ANKS1B: variants seen among roughly 807,000 people sequenced by gnomAD.
The protein encoded by ANKS1B is ankyrin repeat and sterile alpha motif domain containing 1B.
A neutral mutation model predicts 148.3 loss-of-function variants in ANKS1B; 36 were observed. That is an observed-to-expected ratio of 0.24 (90% CI 0.19 to 0.32). The LOEUF is 0.32. Ranked by LOEUF, ANKS1B falls within the 10% of genes least tolerant of loss-of-function variation. ANKS1B has a pLI of 1.00. For synonymous variants in ANKS1B, 542 were observed against 560.8 expected (o/e 0.97, Z 0.47); for missense variants, 1,157 against 1,542.6 (o/e 0.75, Z 4.19).
chr12:98,960,002 G>A (rs1056433807), intron 17 of ANKS1B, among the ~76,000 whole-genome samples: 3 of 152,214 alleles, frequency 2.0e-5, no homozygotes, highest in Non-Finnish European at 2.9e-5. Flanking sequence ...GTTTCTGACT[G>A]TAGGACCTGG....
Position 99,921,644 on chromosome 12 carries a change from T to C in ANKS1B, c.134+62460A>G, listed in dbSNP as rs527237448. ...CAAACAAAGCAATCTAATCTGATAG[T>C]AGAAAAATCAAAATTAATGAACAGA... On this transcript the variant is annotated intron_variant, in intron 1 of 26. Transcript: ENST00000683438. 2.0e-5 allele frequency among the ~76,000 whole-genome samples: 3 copies of C among 152,108 alleles called. No homozygotes were observed. In the Middle Eastern group the frequency reaches 0.01, roughly 517 times the overall value.
chr12:99,506,410 G>A (rs947773363), intron 9 of ANKS1B, among the ~76,000 whole-genome samples: 1 of 151,986 alleles, frequency 6.6e-6, no homozygotes, highest in African/African-American at 2.4e-5. Flanking sequence ...TTATGGTCAT[G>A]ATACTCCATT....
intron 10 of ANKS1B, among the ~76,000 whole-genome samples, chr12:99,452,812 C>T (rs996543694): frequency 1.3e-5 from 2 of 152,164 alleles, no homozygotes; most frequent in Admixed American, 1.3e-4. Context: ...GTTTGAACTT[C>T]CATTACTATC....
rs928315388 is a variant in ANKS1B, at chr12:98,744,071, T to TAC, written c.*1666_*1667dup. 2.0e-4 allele frequency: 193 copies of TAC among 984,124 alleles called. No individual in the cohort carries two copies. In the African/African-American group the frequency reaches 3.2e-3, roughly 16 times the overall value. 61.0% of individuals were successfully genotyped at this position (984,124 alleles called of 1,614,324 possible). On this transcript the variant is annotated 3_prime_UTR_variant, in exon 27 of 27. Coordinates refer to ENST00000683438, the MANE Select transcript of ANKS1B (RefSeq NM_001352186.2). ...TTATAACTGGAAGCCCAAGCTTATT[T>TAC]ACACATATGCTTCTGTTTCAGCAAA...
chr12:99,623,025 T>A (rs2098072699), intron 9 of ANKS1B, among the ~76,000 whole-genome samples: 1 of 151,942 alleles, frequency 6.6e-6, no homozygotes. Flanking sequence ...CAAACTGAAT[T>A]CACCTGCACA....
At chr12:99,937,864 T>C (rs11110141) in intron 1 of ANKS1B, among the ~76,000 whole-genome samples, 9,850 of 152,170 alleles carry the variant, frequency 0.065, 344 homozygotes, top group Middle Eastern at 0.14. Flanking sequence ...AAAGAGAAGA[T>C]ACATGATAAA....
intron 15 of ANKS1B, among the ~76,000 whole-genome samples, chr12:99,098,465 G>A (rs1390829907): frequency 2.0e-5 from 3 of 152,066 alleles, no homozygotes; most frequent in Non-Finnish European, 4.4e-5. Flanking sequence ...TAATAGCAGT[G>A]TGACTCAGGA....
chr12:99,164,555 A>T (rs1340926768), intron 14 of ANKS1B, among the ~76,000 whole-genome samples: 1 of 152,100 alleles, frequency 6.6e-6, no homozygotes, highest in East Asian at 1.9e-4. Flanking sequence ...TGCTCTAATG[A>T]TCAGATATAT....
At chr12:99,906,050 A>C (rs1204743339) in intron 1 of ANKS1B, among the ~76,000 whole-genome samples, 2 of 152,168 alleles carry the variant, frequency 1.3e-5, no homozygotes, top group Non-Finnish European at 2.9e-5. Context: ...AAAGATCTAA[A>C]CCAGCGGTTT....
intron 1 of ANKS1B, among the ~76,000 whole-genome samples, chr12:99,852,784 C>G (rs756791219): frequency 2.6e-5 from 4 of 152,224 alleles, no homozygotes; most frequent in Non-Finnish European, 4.4e-5. Context: ...TAAGTCTACT[C>G]GCTTTCTCAG....
At chr12:99,270,123 G>T (rs2076884410) in intron 12 of ANKS1B, among the ~76,000 whole-genome samples, 1 of 152,200 alleles carries the variant, frequency 6.6e-6, no homozygotes, top group South Asian at 2.1e-4. Context: ...AAAGGCCCCA[G>T]TTAGGTTGAT....
chr12:99,463,263 T>C (rs973971565), intron 10 of ANKS1B, among the ~76,000 whole-genome samples: 1 of 152,218 alleles, frequency 6.6e-6, no homozygotes, highest in Non-Finnish European at 1.5e-5. Context: ...TTTTGATTAA[T>C]ATGTGAAGAC....
chr12:99,722,727 C>T (rs1212756434), intron 8 of ANKS1B, among the ~76,000 whole-genome samples: 12 of 152,168 alleles, frequency 7.9e-5, no homozygotes, highest in Non-Finnish European at 1.5e-5. Flanking sequence ...CAGGGTGGGA[C>T]CAAGATGGCC....
chr12:99,875,028 T>C (rs1180520209), intron 1 of ANKS1B, among the ~76,000 whole-genome samples: 1 of 152,102 alleles, frequency 6.6e-6, no homozygotes, highest in Admixed American at 6.6e-5. Flanking sequence ...TCTCCTGGCC[T>C]TGGGGTAAAG....
intron 8 of ANKS1B, among the ~76,000 whole-genome samples, chr12:99,677,902 G>A (rs1379900962): frequency 1.3e-5 from 2 of 152,216 alleles, no homozygotes; most frequent in African/African-American, 2.4e-5. Context: ...GAATGTGGGA[G>A]GTGGCGGTTG....
intron 17 of ANKS1B, among the ~76,000 whole-genome samples, chr12:98,881,560 G>A (rs915934801): frequency 6.6e-6 from 1 of 152,040 alleles, no homozygotes; most frequent in Non-Finnish European, 1.5e-5. Context: ...TCAAAAAATA[G>A]TTTCTGAACA....
At position 99,244,332 on chromosome 12, in the gene ANKS1B, G is replaced by A. The variant is rs769552899; in HGVS notation, c.2419+10C>T. 6.3e-7 allele frequency: 1 copy of A among 1,589,364 alleles called. No individual in the cohort carries two copies. The highest frequency in any genetic ancestry group is 2.3e-5 in the East Asian group (1 of 44,286). On this transcript the variant is annotated intron_variant, in intron 14 of 26. Transcript: ENST00000683438. ...TTTATTCATTATAATGTAGAGGAAG[G>A]TTGCCTTACTTGTGGTCTCACCATT...
Position 99,710,649 on chromosome 12 carries a change from A to G in ANKS1B, c.1129-55439T>C, listed in dbSNP as rs564818206. 8.5e-5 allele frequency among the ~76,000 whole-genome samples: 13 copies of G among 152,306 alleles called. No homozygotes were observed. In the East Asian group the frequency reaches 2.1e-3, roughly 25 times the overall value. ...AGGCATCCTTTCATACTTTGCCTTT[A>G]TCATAGAGAAGAATATATCTCTGGT... On this transcript the variant is annotated intron_variant, in intron 8 of 26. Coordinates refer to ENST00000683438, the MANE Select transcript of ANKS1B (RefSeq NM_001352186.2).
chr12:98,979,291 G>A (rs1448659969), intron 17 of ANKS1B, among the ~76,000 whole-genome samples: 3 of 148,394 alleles, frequency 2.0e-5, no homozygotes, highest in Non-Finnish European at 4.4e-5. Flanking sequence ...TTTTTGAGAT[G>A]GAGTCTCGCT....
Sources: allele counts gnomAD v4.1 joint callset (sites outside exome capture counted in the v4.1 genomes callset), GRCh38; gene constraint gnomAD v4.1.1; transcripts MANE v1.5; gene names NCBI Gene and HGNC (gene_info 2026-07-23, HGNC 2026-07-21).